RIMS1: variants seen among roughly 807,000 people sequenced by gnomAD.
RIMS1 encodes the protein regulating synaptic membrane exocytosis 1.
RIMS1 carries 83 observed loss-of-function variants against 214.1 expected under a neutral mutation model. That is an observed-to-expected ratio of 0.39 (90% CI 0.32 to 0.47). The LOEUF is 0.47. RIMS1 is among the 20% of genes least tolerant of loss of function. RIMS1 has a pLI of 0.99. For missense variants in RIMS1, 2,050 were observed against 2,161.8 expected, an observed-to-expected ratio of 0.95 and a Z score of 1.03; for synonymous variants, 793 against 786.8, an observed-to-expected ratio of 1.01 and a Z score of -0.13.
intron 4 of RIMS1, among the ~76,000 whole-genome samples, chr6:72,145,242 C>T (rs1403187965): frequency 2.6e-5 from 4 of 152,142 alleles, no homozygotes; most frequent in African/African-American, 4.8e-5. Flanking sequence ...GGGTTTGCAC[C>T]TTCAAATACC....
chr6:71,988,128 A>G (rs1470099117), intron 2 of RIMS1, among the ~76,000 whole-genome samples: 1 of 152,074 alleles, frequency 6.6e-6, no homozygotes, highest in Non-Finnish European at 1.5e-5. Context: ...TGAAAATGTC[A>G]CAATAATAAT....
intron 4 of RIMS1, among the ~76,000 whole-genome samples, chr6:72,118,072 T>C (rs2037441816): frequency 2.0e-5 from 3 of 147,678 alleles, no homozygotes; most frequent in Non-Finnish European, 1.5e-5. Flanking sequence ...ATATGCCCAA[T>C]TACAAACAAA....
intron 19 of RIMS1, chr6:72,262,905 A>T (rs1043331835): frequency 4.1e-6 from 2 of 487,268 alleles, no homozygotes; most frequent in African/African-American, 4.2e-5. Flanking sequence ...AATAACAAGC[A>T]CAGTGTTAAA....
intron 1 of RIMS1, among the ~76,000 whole-genome samples, chr6:71,953,518 A>G (rs746341141): frequency 1.1e-4 from 16 of 152,184 alleles, no homozygotes; most frequent in Non-Finnish European, 1.9e-4. Context: ...GGGAAAAAGC[A>G]TTAAGTGTAG....
At chr6:72,161,893 G>A (rs1211069565) in intron 4 of RIMS1, among the ~76,000 whole-genome samples, 1 of 141,070 alleles carries the variant, frequency 7.1e-6, no homozygotes, top group Non-Finnish European at 1.6e-5. Flanking sequence ...TTCTATAGAT[G>A]TCTATTAGGT....
chr6:72,265,644 G>A (rs2080188705), intron 21 of RIMS1, 141 bp downstream of exon 21: 5 of 559,150 alleles, frequency 8.9e-6, no homozygotes, highest in Non-Finnish European at 6.2e-6. Context: ...TGAAATTTTA[G>A]GCATTTTGTT....
chr6:71,932,579 C>A (rs1184629661), intron 1 of RIMS1, among the ~76,000 whole-genome samples: 3 of 152,022 alleles, frequency 2.0e-5, no homozygotes, highest in East Asian at 3.9e-4. Context: ...CCCTGTGACA[C>A]AAGTTTAGCT....
intron 2 of RIMS1, among the ~76,000 whole-genome samples, chr6:72,009,214 C>T (rs1049683748): frequency 3.9e-5 from 6 of 152,306 alleles, no homozygotes; most frequent in African/African-American, 1.4e-4. Flanking sequence ...CAACCTGCTC[C>T]TGAATGACTA....
intron 1 of RIMS1, among the ~76,000 whole-genome samples, chr6:71,907,569 T>C (rs1775619174): frequency 1.3e-5 from 2 of 152,048 alleles, no homozygotes; most frequent in South Asian, 4.1e-4. Flanking sequence ...TGATAGAAAG[T>C]TAAAAATTTT....
At chr6:71,987,685 A>G (rs1384118704) in intron 2 of RIMS1, among the ~76,000 whole-genome samples, 1 of 152,208 alleles carries the variant, frequency 6.6e-6, no homozygotes, top group East Asian at 1.9e-4. Flanking sequence ...ATCATTATCA[A>G]TCCAGAAGGG....
intron 1 of RIMS1, among the ~76,000 whole-genome samples, chr6:71,928,278 C>A (rs1297547757): frequency 6.6e-6 from 1 of 152,014 alleles, no homozygotes; most frequent in African/African-American, 2.4e-5. Context: ...TAACAGTATA[C>A]CCCGATCATC....
intron 6 of RIMS1, chr6:72,216,901 A>C: frequency 1.7e-6 from 2 of 1,189,828 alleles, no homozygotes; most frequent in Non-Finnish European, 2.1e-6. Flanking sequence ...TTAGTACAGC[A>C]CAGAGCACTA....
intron 2 of RIMS1, among the ~76,000 whole-genome samples, chr6:72,001,042 A>T (rs77641190): frequency 6.6e-5 from 10 of 152,106 alleles, no homozygotes. Flanking sequence ...TCATAAATTC[A>T]TATTCTCTGC....
At chr6:72,094,715 C>G (rs1031227939) in intron 2 of RIMS1, among the ~76,000 whole-genome samples, 2 of 152,128 alleles carry the variant, frequency 1.3e-5, no homozygotes, top group Non-Finnish European at 2.9e-5. Context: ...TATTTACAAT[C>G]TGGCTTTATT....
intron 23 of RIMS1, among the ~76,000 whole-genome samples, chr6:72,274,796 T>G (rs2154194521): frequency 6.6e-6 from 1 of 152,254 alleles, no homozygotes; most frequent in Middle Eastern, 3.4e-3. Flanking sequence ...AGCCTATTTG[T>G]TATATTGGTT....
At chr6:71,907,410 A>G (rs555533638) in intron 1 of RIMS1, among the ~76,000 whole-genome samples, 1 of 152,260 alleles carries the variant, frequency 6.6e-6, no homozygotes, top group South Asian at 2.1e-4. Flanking sequence ...TTCACCCTTA[A>G]TCAATGGCAT....
intron 2 of RIMS1, among the ~76,000 whole-genome samples, chr6:72,041,854 T>A (rs1821529653): frequency 6.6e-6 from 1 of 151,906 alleles, no homozygotes; most frequent in Admixed American, 6.6e-5. Context: ...CTTATTTTAT[T>A]TAACAGTTAA....
intron 1 of RIMS1, among the ~76,000 whole-genome samples, chr6:71,901,707 T>C (rs1773678408): frequency 6.6e-6 from 1 of 152,126 alleles, no homozygotes; most frequent in African/African-American, 2.4e-5. Flanking sequence ...GTATTATACA[T>C]ATGTATGCAT....
chr6:72,132,270 A>G (rs2040568196), intron 4 of RIMS1, among the ~76,000 whole-genome samples: 1 of 152,204 alleles, frequency 6.6e-6, no homozygotes, highest in Admixed American at 6.5e-5. Context: ...AGATTGCAGT[A>G]AAGACAGGCA....
Sources: allele counts gnomAD v4.1 joint callset (sites outside exome capture counted in the v4.1 genomes callset), GRCh38; gene constraint gnomAD v4.1.1; transcripts MANE v1.5; gene names NCBI Gene and HGNC (gene_info 2026-07-23, HGNC 2026-07-21).